The following NEGR1 variants were observed in gnomAD, a reference collection of about 807,000 sequenced individuals.
The protein encoded by NEGR1 is IgLON family member 4.
In NEGR1, 10 loss-of-function variants were observed where a neutral mutation model predicts 40.9. The ratio of observed to expected loss-of-function variants is 0.24; its 90% CI spans 0.15 to 0.42. The LOEUF is 0.42. Among genes scored for constraint, NEGR1 ranks in the 10% least tolerant of loss-of-function variants. The pLI, the probability that NEGR1 is intolerant of heterozygous loss-of-function variation, is 1.00. For missense variants in NEGR1, 352 were observed against 438.9 expected (o/e 0.80, Z 1.77); for synonymous variants, 185 against 166.8 (o/e 1.11, Z -0.84).
chr1:71,684,087 G>A (rs1315485946), intron 4 of NEGR1, among the ~76,000 whole-genome samples: 2 of 151,980 alleles, frequency 1.3e-5, no homozygotes, highest in Admixed American at 1.3e-4. Flanking sequence ...TGGCTAACAC[G>A]GTGAAACCCT....
chr1:71,973,184 C>T (rs1409442421), intron 1 of NEGR1, among the ~76,000 whole-genome samples: 1 of 152,000 alleles, frequency 6.6e-6, no homozygotes, highest in African/African-American at 2.4e-5. Flanking sequence ...GGCGTGGTGG[C>T]GGGCGCCTGT....
intron 6 of NEGR1, among the ~76,000 whole-genome samples, chr1:71,527,375 ACCAT>A (rs1458929115): frequency 6.7e-6 from 1 of 148,440 alleles, no homozygotes; most frequent in South Asian, 2.1e-4. Context: ...CCATTCATCC[ACCAT>A]CCATCCATCC....
intron 1 of NEGR1, among the ~76,000 whole-genome samples, chr1:72,195,960 A>G (rs1652985540): frequency 6.6e-6 from 1 of 151,990 alleles, no homozygotes; most frequent in South Asian, 2.1e-4. Flanking sequence ...AACTAGGTAA[A>G]TTAGTGCCTT....
chr1:72,238,583 G>A (rs938233161), intron 1 of NEGR1, among the ~76,000 whole-genome samples: 3 of 151,842 alleles, frequency 2.0e-5, no homozygotes, highest in African/African-American at 7.2e-5. Context: ...ACTCAGAAAT[G>A]TGAGTACCAT....
At chr1:71,997,525 A>T (rs141214528) in intron 1 of NEGR1, among the ~76,000 whole-genome samples, 84 of 152,170 alleles carry the variant, frequency 5.5e-4, no homozygotes, top group Non-Finnish European at 9.0e-4. Context: ...TAATGCTTAC[A>T]ACTTTCTACC....
intron 2 of NEGR1, among the ~76,000 whole-genome samples, chr1:71,931,465 AT>A (rs1372453740): frequency 1.4e-5 from 2 of 143,616 alleles, no homozygotes; most frequent in African/African-American, 5.2e-5. Flanking sequence ...TTTGGCTCAT[AT>A]TTTTGGGGGC....
intron 2 of NEGR1, among the ~76,000 whole-genome samples, chr1:71,829,868 G>C (rs1250323862): frequency 1.3e-5 from 2 of 151,902 alleles, no homozygotes; most frequent in Admixed American, 1.3e-4. Flanking sequence ...GTTAGGCACA[G>C]CCTTTTATTA....
intron 4 of NEGR1, among the ~76,000 whole-genome samples, chr1:71,636,928 G>T (rs1252885570): frequency 1.3e-5 from 2 of 152,030 alleles, no homozygotes; most frequent in African/African-American, 2.4e-5. Context: ...TCACGGGAAA[G>T]ACTGGGGTAA....
chr1:71,644,107 A>C (rs1485601708), intron 4 of NEGR1, among the ~76,000 whole-genome samples: 3 of 151,912 alleles, frequency 2.0e-5, no homozygotes, highest in African/African-American at 7.3e-5. Flanking sequence ...GCAAAAGCTA[A>C]AACCACTACA....
At chr1:71,988,063 G>C (rs1185003508) in intron 1 of NEGR1, among the ~76,000 whole-genome samples, 1 of 152,184 alleles carries the variant, frequency 6.6e-6, no homozygotes, top group Admixed American at 6.5e-5. Flanking sequence ...GTACAGACAG[G>C]TCCCCTGGCT....
chr1:71,940,317 A>G (rs1206336313), intron 1 of NEGR1, among the ~76,000 whole-genome samples: 1 of 152,164 alleles, frequency 6.6e-6, no homozygotes, highest in Non-Finnish European at 1.5e-5. Context: ...CTTTCACTTT[A>G]AAAATCTGCT....
chr1:72,242,255 T>G (rs1320071363), intron 1 of NEGR1, among the ~76,000 whole-genome samples: 1 of 151,772 alleles, frequency 6.6e-6, no homozygotes, highest in East Asian at 1.9e-4. Flanking sequence ...GGCAGTATAA[T>G]GAGTTGGGAT....
At chr1:71,561,431 C>G (rs1161336813) in intron 6 of NEGR1, among the ~76,000 whole-genome samples, 1 of 151,526 alleles carries the variant, frequency 6.6e-6, no homozygotes, top group African/African-American at 2.4e-5. Context: ...TTTTTTGGCA[C>G]TCACTAGTTC....
intron 1 of NEGR1, chr1:72,275,227 T>C (rs867998075): frequency 1.4e-5 from 8 of 591,038 alleles, no homozygotes; most frequent in African/African-American, 1.3e-4. Flanking sequence ...AAAATTTCTA[T>C]TATTTATTCA....
chr1:71,670,581 G>C (rs1329176802), intron 4 of NEGR1, among the ~76,000 whole-genome samples: 1 of 151,476 alleles, frequency 6.6e-6, no homozygotes, highest in Non-Finnish European at 1.5e-5. Flanking sequence ...TTTGAGATGG[G>C]GGTCTCACTC....
At chr1:71,694,376 A>G (rs1363810070) in intron 4 of NEGR1, among the ~76,000 whole-genome samples, 1 of 151,772 alleles carries the variant, frequency 6.6e-6, no homozygotes, top group African/African-American at 2.4e-5. Flanking sequence ...ATAAGGAAAA[A>G]GTTACGAATA....
chr1:71,623,231 A>T (rs1490524314), intron 4 of NEGR1, among the ~76,000 whole-genome samples: 1 of 151,850 alleles, frequency 6.6e-6, no homozygotes, highest in African/African-American at 2.4e-5. Flanking sequence ...GTTACGTGAC[A>T]GTGTCAGAAG....
chr1:71,740,783 C>G (rs1445187220), intron 3 of NEGR1, among the ~76,000 whole-genome samples: 1 of 152,042 alleles, frequency 6.6e-6, no homozygotes, highest in Non-Finnish European at 1.5e-5. Flanking sequence ...TTTGCCAATA[C>G]TGATTAGTCT....
intron 6 of NEGR1, among the ~76,000 whole-genome samples, chr1:71,482,033 G>A (rs1001169085): frequency 9.2e-5 from 14 of 151,796 alleles, no homozygotes; most frequent in African/African-American, 3.4e-4. Flanking sequence ...AGCTTTGGGA[G>A]TAATGTACCA....
Sources: gnomAD v4.1 joint callset for allele counts (sites outside exome capture counted in the v4.1 genomes callset) on GRCh38, gnomAD v4.1.1 for gene constraint, MANE v1.5 for transcripts, NCBI Gene and HGNC (gene_info 2026-07-23, HGNC 2026-07-21) for gene names.